Variants in PHF21A observed in about 807,000 individuals in gnomAD.
PHF21A encodes PHD finger protein 21A, also known as BHC80a.
PHF21A carries 11 observed loss-of-function variants against 82.5 expected under a neutral mutation model. That is an observed-to-expected ratio of 0.13 (90% CI 0.08 to 0.22). The LOEUF (loss-of-function observed/expected upper bound fraction) is 0.22, where lower values mean the gene tolerates loss of function less well. PHF21A is among the 10% of genes least tolerant of loss of function. The pLI is 1.00. For synonymous variants in PHF21A, 297 were observed against 302.8 expected (o/e 0.98, Z 0.20); for missense variants, 579 against 837.8 (o/e 0.69, Z 3.81).
chr11:45,951,368 C>T (rs2092088648), intron 11 of PHF21A, among the ~76,000 whole-genome samples: 1 of 152,222 alleles, frequency 6.6e-6, no homozygotes, highest in African/African-American at 2.4e-5. Flanking sequence ...TAAACTTCTT[C>T]AGCAAGCCAC....
chr11:45,976,819 G>A (rs896575752), intron 7 of PHF21A, among the ~76,000 whole-genome samples: 3 of 152,172 alleles, frequency 2.0e-5, no homozygotes, highest in African/African-American at 7.2e-5. Flanking sequence ...GGGTCAAAGA[G>A]CCAGATCCTG....
intron 6 of PHF21A, among the ~76,000 whole-genome samples, chr11:45,995,668 G>A (rs1448905256): frequency 6.6e-6 from 1 of 152,164 alleles, no homozygotes; most frequent in Non-Finnish European, 1.5e-5. Context: ...GCTCTACAGA[G>A]TCTGCAAGAC....
At chr11:45,995,000 G>A (rs2094855518) in intron 6 of PHF21A, among the ~76,000 whole-genome samples, 1 of 152,216 alleles carries the variant, frequency 6.6e-6, no homozygotes, top group African/African-American at 2.4e-5. Context: ...TATAATCTCT[G>A]TGCTATATGC....
At chr11:45,972,124 A>T (rs2093797825) in intron 7 of PHF21A, among the ~76,000 whole-genome samples, 1 of 151,790 alleles carries the variant, frequency 6.6e-6, no homozygotes, top group African/African-American at 2.4e-5. Context: ...GTGATCAAAG[A>T]TGCAATGAAA....
chr11:45,987,386 G>A (rs1440810382), intron 6 of PHF21A, among the ~76,000 whole-genome samples: 2 of 151,944 alleles, frequency 1.3e-5, no homozygotes, highest in African/African-American at 2.4e-5. Context: ...CTGAGGCCAG[G>A]CGTGGTGGCT....
At chr11:46,099,553 CA>C (rs1284029602) in intron 1 of PHF21A, among the ~76,000 whole-genome samples, 16 of 151,258 alleles carry the variant, frequency 1.1e-4, no homozygotes, top group African/African-American at 3.9e-4. Flanking sequence ...CACACACACA[CA>C]CACACACACC....
chr11:45,948,481 T>C (rs953006274), intron 14 of PHF21A, among the ~76,000 whole-genome samples: 5 of 152,252 alleles, frequency 3.3e-5, no homozygotes, highest in Non-Finnish European at 5.9e-5. Flanking sequence ...CGTCACACTC[T>C]GGCCTTGCCG....
intron 6 of PHF21A, among the ~76,000 whole-genome samples, chr11:46,039,278 C>T (rs999044198): frequency 3.3e-5 from 5 of 152,122 alleles, no homozygotes; most frequent in East Asian, 1.9e-4. Context: ...GAATTTGTTT[C>T]GATTACTCAG....
chr11:46,084,837 G>A (rs1036974008), intron 3 of PHF21A, among the ~76,000 whole-genome samples: 2 of 151,940 alleles, frequency 1.3e-5, no homozygotes, highest in Admixed American at 6.6e-5. Context: ...CTGCCACTAC[G>A]CCCGGCTCAT....
chr11:46,110,257 T>G (rs886923076), intron 1 of PHF21A, among the ~76,000 whole-genome samples: 14 of 152,164 alleles, frequency 9.2e-5, no homozygotes, highest in African/African-American at 3.4e-4. Flanking sequence ...CTGGGTAAAC[T>G]AAAGCCCAGC....
chr11:45,992,467 G>T (rs1188718019), intron 6 of PHF21A, among the ~76,000 whole-genome samples: 3 of 152,166 alleles, frequency 2.0e-5, no homozygotes, highest in Non-Finnish European at 4.4e-5. Context: ...GTGAACCCAG[G>T]AGGCAGAGCT....
intron 6 of PHF21A, among the ~76,000 whole-genome samples, chr11:45,994,310 A>G (rs1201247152): frequency 6.6e-6 from 1 of 152,224 alleles, no homozygotes; most frequent in Non-Finnish European, 1.5e-5. Flanking sequence ...ATTCACTAAC[A>G]GATTTATCTT....
rs564685484 is a variant in PHF21A, at chr11:46,007,351, T to C, written c.154-27385A>G. Among the ~76,000 whole-genome samples, 5 of 152,056 alleles carry C rather than the reference T, an allele frequency of 3.3e-5. No individual in the cohort carries two copies. In the South Asian group the frequency reaches 1.0e-3, roughly 32 times the overall value. ...TTTTTTTCGAGATGGAGTTTCACTC[T>C]TGTCCAGGCTGGGGTGCAATGGCGT... On this transcript the variant is annotated intron_variant, in intron 6 of 18. Transcript: ENST00000676320.
chr11:45,938,391 T>A lies in PHF21A; in HGVS notation c.1453-79A>T, dbSNP rs538811363. 25 of 1,173,218 alleles carry A rather than the reference T, an allele frequency of 2.1e-5. No homozygotes were observed. The African/African-American group carries it at 3.5e-4, about 16-fold the overall frequency. The allele number at this position is 1,173,218 out of a possible 1,614,324, so 72.7% of individuals were successfully genotyped here. On this transcript the variant is annotated intron_variant, in intron 15 of 18. Coordinates refer to ENST00000676320, the MANE Select transcript of PHF21A (RefSeq NM_001352027.3). Reference sequence around the variant, plus strand: ...TGTTAACATGCACATTCTAGATGCATATAAATGTTTTAGGACAATCAGCTG... The same window carrying A: ...TGTTAACATGCACATTCTAGATGCAAATAAATGTTTTAGGACAATCAGCTG...
intron 6 of PHF21A, among the ~76,000 whole-genome samples, chr11:46,002,835 G>GA (rs1322822400): frequency 7.1e-4 from 107 of 149,882 alleles, no homozygotes; most frequent in African/African-American, 2.3e-3. Context: ...AATTTGTAAT[G>GA]AAAAAAAAAG....
intron 1 of PHF21A, among the ~76,000 whole-genome samples, chr11:46,102,503 T>A (rs968701515): frequency 1.3e-5 from 2 of 152,226 alleles, no homozygotes; most frequent in African/African-American, 2.4e-5. Flanking sequence ...AATTAATAAA[T>A]CAAAATATTT....
chr11:46,009,908 T>A (rs1333771788), intron 6 of PHF21A, among the ~76,000 whole-genome samples: 1 of 152,246 alleles, frequency 6.6e-6, no homozygotes, highest in Non-Finnish European at 1.5e-5. Context: ...GCTAAGTGTT[T>A]CCTTGAAACA....
intron 6 of PHF21A, among the ~76,000 whole-genome samples, chr11:46,059,894 TTTTA>T (rs757331516): frequency 3.3e-5 from 5 of 152,074 alleles, no homozygotes; most frequent in African/African-American, 1.2e-4. Flanking sequence ...GCCCAGCTGA[TTTTA>T]TTTATTTATT....
At chr11:46,119,953 G>T (rs1221711614) in intron 1 of PHF21A, 1 of 146,356 alleles carries the variant, frequency 6.8e-6, no homozygotes, top group Non-Finnish European at 1.5e-5. Flanking sequence ...GCCCCGGCCC[G>T]CTCGGGGTCC....
Sources: allele counts gnomAD v4.1 joint callset (sites outside exome capture counted in the v4.1 genomes callset), GRCh38; gene constraint gnomAD v4.1.1; transcripts MANE v1.5; gene names NCBI Gene and HGNC (gene_info 2026-07-23, HGNC 2026-07-21).